The following CDH18 variants were observed in gnomAD, a reference collection of about 807,000 sequenced individuals.
CDH18 encodes cadherin-18.
A neutral mutation model predicts 67.9 loss-of-function variants in CDH18; 31 were observed. That is an observed-to-expected ratio of 0.46 (90% confidence interval 0.34 to 0.62). The LOEUF (loss-of-function observed/expected upper bound fraction) is 0.62, where lower values mean the gene tolerates loss of function less well. CDH18 is among the 20% of genes least tolerant of loss of function. The pLI, the probability that CDH18 is intolerant of heterozygous loss-of-function variation, is 0.01. For synonymous variants in CDH18, 362 were observed against 347.2 expected (o/e 1.04, Z -0.48); for missense variants, 890 against 975.5 (o/e 0.91, Z 1.17).
intron 1 of CDH18, among the ~76,000 whole-genome samples, chr5:20,512,353 G>A (rs1262034808): frequency 6.6e-6 from 1 of 151,990 alleles, no homozygotes; most frequent in Non-Finnish European, 1.5e-5. Context: ...GTTGCCTTAT[G>A]TTTGTTCACA....
chr5:20,112,284 C>T (rs1747543005), intron 2 of CDH18, among the ~76,000 whole-genome samples: 1 of 152,142 alleles, frequency 6.6e-6, no homozygotes. Context: ...ATGCTTTACA[C>T]TCTAAAGTAA....
intron 1 of CDH18, among the ~76,000 whole-genome samples, chr5:20,565,431 C>A (rs544138164): frequency 6.6e-6 from 1 of 152,010 alleles, no homozygotes; most frequent in East Asian, 1.9e-4. Context: ...TTAGCTGTGG[C>A]GGTTAATTAA....
At position 19,994,335 on chromosome 5, in the gene CDH18, A is replaced by G. The variant is rs191290084; in HGVS notation, c.-517-2321T>C. On this transcript the variant is annotated intron_variant, in intron 2 of 14. Coordinates refer to the CDH18 transcript ENST00000507958. ...TATGTATACATATATACATATATTT[A>G]TACACCTCTCTATCCCCTTAGTTCG... is the stretch of plus-strand genomic sequence containing the variant. 1.9e-3 allele frequency among the ~76,000 whole-genome samples: 268 copies of G among 139,960 alleles called. 1 individual carries two copies. The highest frequency in any genetic ancestry group is 7.7e-3 in the African/African-American group (253 of 33,050). 91.8% of individuals were successfully genotyped at this position (139,960 alleles called of 152,430 possible). A position where few individuals can be genotyped will look rare whatever the true frequency, so the allele number is the denominator to read the frequency against.
rs991811167 is a variant in CDH18 at position 19,567,862 on chromosome 5, T to C, written c.1253+3717A>G. Reference sequence around the variant, plus strand: ...CAACCAGGAGAGTGCATGTTTCATATGAGTGTTCATTTAAGTGCTCTCAGT... The same window carrying C: ...CAACCAGGAGAGTGCATGTTTCATACGAGTGTTCATTTAAGTGCTCTCAGT... On this transcript the variant is annotated intron_variant, in intron 8 of 12. Transcript: ENST00000382275. Among the ~76,000 whole-genome samples the C allele has an allele frequency of 5.3e-5, 8 of 152,278 alleles. No homozygotes were observed. The South Asian group carries it at 1.7e-3, about 32-fold the overall frequency.
At chr5:19,567,189 G>A (rs1396566143) in intron 8 of CDH18, among the ~76,000 whole-genome samples, 10 of 151,982 alleles carry the variant, frequency 6.6e-5, no homozygotes. Context: ...GACTACACTA[G>A]ATAATAATTT....
chr5:20,030,009 G>A (rs1243330699), intron 2 of CDH18, among the ~76,000 whole-genome samples: 1 of 152,168 alleles, frequency 6.6e-6, no homozygotes, highest in Non-Finnish European at 1.5e-5. Context: ...CATGATGGCT[G>A]TTGGCTGGGG....
At chr5:19,686,209 G>A (rs1274885212) in intron 5 of CDH18, among the ~76,000 whole-genome samples, 3 of 151,966 alleles carry the variant, frequency 2.0e-5, no homozygotes, top group Non-Finnish European at 2.9e-5. Context: ...TAGGACTTAT[G>A]GGAAAAATAG....
At chr5:19,588,107 G>C (rs1304600514) in intron 7 of CDH18, among the ~76,000 whole-genome samples, 2 of 151,986 alleles carry the variant, frequency 1.3e-5, no homozygotes, top group African/African-American at 4.8e-5. Flanking sequence ...TGGTGTATAG[G>C]AATGCTGGTG....
chr5:20,256,573 A>G (rs1161577031), intron 1 of CDH18, among the ~76,000 whole-genome samples: 1 of 152,080 alleles, frequency 6.6e-6, no homozygotes, highest in East Asian at 1.9e-4. Flanking sequence ...CCCTCATGGT[A>G]CTTTTATTTT....
intron 5 of CDH18, among the ~76,000 whole-genome samples, chr5:19,695,521 T>C (rs1346167412): frequency 6.7e-6 from 1 of 149,114 alleles, no homozygotes; most frequent in Non-Finnish European, 1.5e-5. Flanking sequence ...GCATTAGAGG[T>C]TTTTTTTCGC....
At chr5:20,091,990 T>C (rs1212715256) in intron 2 of CDH18, among the ~76,000 whole-genome samples, 1 of 152,302 alleles carries the variant, frequency 6.6e-6, no homozygotes, top group African/African-American at 2.4e-5. Flanking sequence ...CTCATGTAAT[T>C]TTGGAACCAT....
intron 2 of CDH18, among the ~76,000 whole-genome samples, chr5:19,908,021 A>C (rs1790713024): frequency 6.6e-6 from 1 of 151,898 alleles, no homozygotes; most frequent in Admixed American, 6.6e-5. Flanking sequence ...TCCCTTTATT[A>C]TTTCTCAATG....
chr5:19,802,025 A>G (rs1247347854), intron 3 of CDH18, among the ~76,000 whole-genome samples: 1 of 152,240 alleles, frequency 6.6e-6, no homozygotes, highest in Non-Finnish European at 1.5e-5. Context: ...AAGAACAAGC[A>G]TAACAATGAC....
At chr5:19,832,697 T>C (rs896672982) in intron 3 of CDH18, among the ~76,000 whole-genome samples, 1 of 152,178 alleles carries the variant, frequency 6.6e-6, no homozygotes, top group African/African-American at 2.4e-5. Context: ...CTTGAGTTAA[T>C]GTTCGTATAA....
chr5:20,387,894 G>A (rs529982226), intron 1 of CDH18, among the ~76,000 whole-genome samples: 1 of 152,174 alleles, frequency 6.6e-6, no homozygotes, highest in African/African-American at 2.4e-5. Flanking sequence ...TGTTGAACCA[G>A]CCTTGCATCC....
intron 2 of CDH18, among the ~76,000 whole-genome samples, chr5:20,158,085 A>G (rs1301200876): frequency 6.6e-6 from 1 of 152,162 alleles, no homozygotes; most frequent in Non-Finnish European, 1.5e-5. Context: ...AGTATTTCAT[A>G]CCATTTGCTT....
At chr5:20,377,681 T>C (rs1743573751) in intron 1 of CDH18, among the ~76,000 whole-genome samples, 1 of 152,204 alleles carries the variant, frequency 6.6e-6, no homozygotes, top group Admixed American at 6.5e-5. Context: ...ATGTTAATCA[T>C]GACTTAGGAG....
chr5:19,684,446 T>A (rs1243740479), intron 5 of CDH18, among the ~76,000 whole-genome samples: 1 of 150,982 alleles, frequency 6.6e-6, no homozygotes, highest in Non-Finnish European at 1.5e-5. Flanking sequence ...AAAATATCAT[T>A]TTTAATAAAA....
At chr5:20,205,244 CAT>C (rs1323581434) in intron 2 of CDH18, among the ~76,000 whole-genome samples, 1 of 151,814 alleles carries the variant, frequency 6.6e-6, no homozygotes, top group Non-Finnish European at 1.5e-5. Flanking sequence ...ATACACATAA[CAT>C]AAAATGACAA....
Sources: allele counts gnomAD v4.1 joint callset (sites outside exome capture counted in the v4.1 genomes callset), GRCh38; gene constraint gnomAD v4.1.1; transcripts MANE v1.5; gene names NCBI Gene and HGNC (gene_info 2026-07-23, HGNC 2026-07-21).